The following KCNMB1 variants were observed in gnomAD, a reference collection of about 807,000 sequenced individuals.
KCNMB1 encodes the protein calcium-activated potassium channel subunit beta-1.
KCNMB1 carries 22 observed loss-of-function variants against 21.7 expected under a neutral mutation model. The observed-to-expected ratio is 1.01, with a 90% CI of 0.72 to 1.45. The LOEUF (loss-of-function observed/expected upper bound fraction) is 1.45. KCNMB1 is among the 40% of genes most tolerant of loss of function. The pLI is 0.00. For synonymous variants in KCNMB1, 114 were observed against 107.6 expected (o/e 1.06, Z -0.37); for missense variants, 243 against 243.4 (o/e 1.00, Z 0.01).
chr5:170,385,832 C>T (rs1764446041), intron 1 of KCNMB1, among the ~76,000 whole-genome samples: 1 of 151,928 alleles, frequency 6.6e-6, no homozygotes, highest in African/African-American at 2.4e-5. Flanking sequence ...GATAAAGGCT[C>T]TTGAAGGCCA....
chr5:170,376,172 T>C lies in KCNMB1; in HGVS notation c.*2532A>G, dbSNP rs886565633. On this transcript the variant is annotated 3_prime_UTR_variant, in exon 4 of 4. Coordinates refer to ENST00000274629, the MANE Select transcript of KCNMB1 (RefSeq NM_004137.4). The stretch of plus-strand genomic sequence containing the variant: ...ATTCTTTTTTTTTTTTTTTTTTTTT[T>C]TTTTTTGAGACAGAGTCTTGCTCTG... The C allele has an allele frequency of 7.0e-6, 1 of 142,762 alleles. No homozygotes were observed. The highest frequency in any genetic ancestry group is 2.7e-5 in the African/African-American group (1 of 36,736). 8.8% of individuals were successfully genotyped at this position (142,762 alleles called of 1,614,324 possible). A position where few individuals can be genotyped will look rare whatever the true frequency, so the allele number is the denominator to read the frequency against.
At chr5:170,383,988 C>A in intron 2 of KCNMB1, 138 bp from the exon 3 acceptor site, 1 of 820,160 alleles carries the variant, frequency 1.2e-6, no homozygotes, top group Non-Finnish European at 1.9e-6. Flanking sequence ...CAGCATCCAG[C>A]AATAAAGGCA....
At position 170,378,808 on chromosome 5, in the gene KCNMB1, G is replaced by A; in HGVS notation, c.472C>T (p.Leu158Phe). 1 of 1,614,266 alleles carries A rather than the reference G, an allele frequency of 6.2e-7. No homozygotes were observed. Among genetic ancestry groups the A allele is most frequent in the Non-Finnish European group, 8.5e-7 (1 of 1,180,044 alleles). ...AAGGTGGGCCAGAAGAGGGAGAAGA[G>A]GAGGGCCTGGGGCCCGTAGAGGCGC... ...FQRLYGPQAL[L>F]FSLFWPTFLL... Residue 158 changes from leucine (L) to phenylalanine (F), a missense_variant, in exon 4 of 4, where the codon CTC becomes TTC. Leu to Phe is a conservative substitution (Grantham distance 22). Transcript: ENST00000274629.
intron 3 of KCNMB1, chr5:170,382,538 A>G (rs1764282882): frequency 6.6e-6 from 1 of 152,082 alleles, no homozygotes; most frequent in Non-Finnish European, 1.5e-5. Flanking sequence ...GTCTCCACCT[A>G]GCCCTTCCCT....
At position 170,378,982 on chromosome 5, in the gene KCNMB1, A is replaced by T; in HGVS notation, c.307-9T>A. 6.2e-7 allele frequency: 1 copy of T among 1,612,592 alleles called. No homozygotes were observed. ...CCTGGGATGTAGGAGCACTGTGGGG[A>T]GAAACAAGAGCAGCTGTGGGCTTGG... On this transcript the variant is annotated splice_polypyrimidine_tract_variant and intron_variant, in intron 3 of 3. Transcript: ENST00000274629.
Position 170,375,402 on chromosome 5 carries a change from T to C in KCNMB1, c.*3302A>G, listed in dbSNP as rs1353799402. ...GCCACAGGGATACCTCTGGGCTCCC[T>C]GGCTGGAATTGGCAGATGCTGGTGC... On this transcript the variant is annotated 3_prime_UTR_variant, in exon 4 of 4. Transcript: ENST00000274629. 1 of 152,278 alleles carries C rather than the reference T, an allele frequency of 6.6e-6. No individual in the cohort carries two copies. The highest frequency in any genetic ancestry group is 2.4e-5 in the African/African-American group (1 of 41,460). 9.4% of individuals were successfully genotyped at this position (152,278 alleles called of 1,614,324 possible).
chr5:170,374,915 A>G lies in KCNMB1; in HGVS notation c.*3789T>C, dbSNP rs1473472066. ...AAATGAAGGTCATCATTAATAATTT[A>G]TGGGACAGTGGGGGTTAGGCATCCT... On this transcript the variant is annotated 3_prime_UTR_variant, in exon 4 of 4. Transcript: ENST00000274629. The G allele has an allele frequency of 6.6e-6, 1 of 152,172 alleles. No homozygotes were observed. The highest frequency in any genetic ancestry group is 2.4e-5 in the African/African-American group (1 of 41,444). The allele number at this position is 152,172 out of a possible 1,614,324, so 9.4% of individuals were successfully genotyped here. A position where few individuals can be genotyped will look rare whatever the true frequency, so the allele number is the denominator to read the frequency against.
At chr5:170,382,069 G>A (rs1764265324) in intron 3 of KCNMB1, among the ~76,000 whole-genome samples, 1 of 152,122 alleles carries the variant, frequency 6.6e-6, no homozygotes, top group Non-Finnish European at 1.5e-5. Context: ...CAGCCATCAA[G>A]TCCGGACTGT....
Position 170,385,388 on chromosome 5 carries a change from A to G in KCNMB1, c.60T>C (p.Gly20=). The G allele has an allele frequency of 6.2e-7, 1 of 1,614,032 alleles. No homozygotes were observed. The highest frequency in any genetic ancestry group is 8.5e-7 in the Non-Finnish European group (1 of 1,180,010). Residue 20 remains glycine, a synonymous_variant, in exon 2 of 4, where the codon GGT becomes GGC. Transcript: ENST00000274629. ...TGACGGCACACACCACCATGGTTAC[A>G]CCCAGGCAAAGGGCTCGTGTCTCTC... ...KRGETRALCL[G]VTMVVCAVIT...
chr5:170,388,249 G>A (rs1348456798), intron 1 of KCNMB1, among the ~76,000 whole-genome samples: 2 of 152,236 alleles, frequency 1.3e-5, no homozygotes, highest in East Asian at 1.9e-4. Flanking sequence ...CCTGCACTGA[G>A]TGAGTTTATA....
Position 170,376,408 on chromosome 5 carries a change from C to T in KCNMB1, c.*2296G>A, listed in dbSNP as rs555186650. ...TCGATCTCCTGACCTCGTGATCTGC[C>T]CACCTCGGCCTCCCAAAGTGCTGGG... is the stretch of plus-strand genomic sequence containing the variant. On this transcript the variant is annotated 3_prime_UTR_variant, in exon 4 of 4. Transcript: ENST00000274629. The T allele has an allele frequency of 6.6e-6, 1 of 151,884 alleles. No homozygotes were observed. Among genetic ancestry groups the T allele is most frequent in the Non-Finnish European group, 1.5e-5 (1 of 67,974 alleles). 9.4% of individuals were successfully genotyped at this position (151,884 alleles called of 1,614,324 possible).
At chr5:170,388,067 G>A (rs1764557702) in intron 1 of KCNMB1, among the ~76,000 whole-genome samples, 2 of 152,212 alleles carry the variant, frequency 1.3e-5, no homozygotes, top group Non-Finnish European at 2.9e-5. Flanking sequence ...TTGGCTTCTA[G>A]TGCCCTCTCA....
chr5:170,380,913 T>C (rs921386527), intron 3 of KCNMB1, among the ~76,000 whole-genome samples: 45 of 152,140 alleles, frequency 3.0e-4, no homozygotes, highest in African/African-American at 8.0e-4. Context: ...TCATGGGGAT[T>C]AAATGAGATG....
At position 170,378,540 on chromosome 5, in the gene KCNMB1, A is replaced by G. The variant is rs1194558280; in HGVS notation, c.*164T>C. On this transcript the variant is annotated 3_prime_UTR_variant, in exon 4 of 4. Transcript: ENST00000274629. Reference sequence around the variant, plus strand: ...TTCTTGAGCAGGCAATGACTTCACAAAAGGATTTCTCAAAGGTTAGTCCTG... The same window carrying G: ...TTCTTGAGCAGGCAATGACTTCACAGAAGGATTTCTCAAAGGTTAGTCCTG... 2 of 812,480 alleles carry G rather than the reference A, an allele frequency of 2.5e-6. No homozygotes were observed. The highest frequency in any genetic ancestry group is 1.7e-5 in the African/African-American group (1 of 58,414). The allele number at this position is 812,480 out of a possible 1,614,324, so 50.3% of individuals were successfully genotyped here. A position where few individuals can be genotyped will look rare whatever the true frequency, so the allele number is the denominator to read the frequency against.
intron 3 of KCNMB1, among the ~76,000 whole-genome samples, chr5:170,382,486 C>A (rs1380969011): frequency 6.6e-6 from 1 of 152,154 alleles, no homozygotes; most frequent in East Asian, 1.9e-4. Flanking sequence ...GCTGCATACA[C>A]CCCATCATGG....
At chr5:170,381,492 C>T (rs147848580) in intron 3 of KCNMB1, among the ~76,000 whole-genome samples, 104 of 152,310 alleles carry the variant, frequency 6.8e-4, no homozygotes, top group African/African-American at 2.2e-3. Flanking sequence ...CCTGGAGCCC[C>T]AGCCACTTGA....
Position 170,374,777 on chromosome 5 carries a change from A to ATTCCCATTAT in KCNMB1, c.*3917_*3926dup, listed in dbSNP as rs1554087252. The stretch of plus-strand genomic sequence containing the variant: ...CAGGGTCTAACTCCATCATGCCTAA[A>ATTCCCATTAT]TTCCCATTATTTCATGCTTATCCCG... On this transcript the variant is annotated 3_prime_UTR_variant, in exon 4 of 4. Coordinates refer to ENST00000274629, the MANE Select transcript of KCNMB1 (RefSeq NM_004137.4). 63 of 152,194 alleles carry ATTCCCATTAT rather than the reference A, an allele frequency of 4.1e-4. No homozygotes were observed. Among genetic ancestry groups the ATTCCCATTAT allele is most frequent in the African/African-American group, 1.4e-3 (59 of 41,442 alleles). 9.4% of individuals were successfully genotyped at this position (152,194 alleles called of 1,614,324 possible).
rs558443995 is a variant in KCNMB1, at chr5:170,378,382, C to G, written c.*322G>C. 2 of 258,344 alleles carry G rather than the reference C, an allele frequency of 7.7e-6. No individual in the cohort carries two copies. Among genetic ancestry groups the G allele is most frequent in the African/African-American group, 2.2e-5 (1 of 44,892 alleles). 16.0% of individuals were successfully genotyped at this position (258,344 alleles called of 1,614,324 possible). On this transcript the variant is annotated 3_prime_UTR_variant, in exon 4 of 4. Transcript: ENST00000274629. ...AGGGAGAACTCAGGCACAGAGGTGA[C>G]GATCATCGTTCTCTGTGGGGCACAT...
At position 170,374,935 on chromosome 5, in the gene KCNMB1, C is replaced by T. The variant is rs997309521; in HGVS notation, c.*3769G>A. The T allele has an allele frequency of 6.6e-6, 1 of 152,138 alleles. No homozygotes were observed. The highest frequency in any genetic ancestry group is 1.5e-5 in the Non-Finnish European group (1 of 68,042). 9.4% of individuals were successfully genotyped at this position (152,138 alleles called of 1,614,324 possible). A position where few individuals can be genotyped will look rare whatever the true frequency, so the allele number is the denominator to read the frequency against. Reference sequence around the variant, plus strand: ...AATTTATGGGACAGTGGGGGTTAGGCATCCTCACATACTAATTTTTCTAGA... The same window carrying T: ...AATTTATGGGACAGTGGGGGTTAGGTATCCTCACATACTAATTTTTCTAGA... On this transcript the variant is annotated 3_prime_UTR_variant, in exon 4 of 4. Transcript: ENST00000274629.
Sources: gnomAD v4.1 joint callset for allele counts (sites outside exome capture counted in the v4.1 genomes callset) on GRCh38, gnomAD v4.1.1 for gene constraint, MANE v1.5 for transcripts, NCBI Gene and HGNC (gene_info 2026-07-23, HGNC 2026-07-21) for gene names.